GOLGA8J: variants seen among roughly 807,000 people sequenced by gnomAD.
GOLGA8J encodes the protein golgin A8 family member J.
In GOLGA8J, 19 loss-of-function variants were observed where a neutral mutation model predicts 67.7. The ratio of observed to expected loss-of-function variants is 0.28; its 90% confidence interval spans 0.20 to 0.41. The LOEUF is 0.41. Ranked by LOEUF, GOLGA8J falls within the 10% of genes least tolerant of loss-of-function variation. GOLGA8J has a pLI of 1.00. For synonymous variants in GOLGA8J, 69 were observed against 215.9 expected (o/e 0.32, Z 5.97); for missense variants, 205 against 584.3 (o/e 0.35, Z 6.69).
In GOLGA8J at chr15:30,094,135, A is replaced by G. The variant is rs200823218; in HGVS notation, c.*636A>G. 3.1e-3 allele frequency among the ~76,000 whole-genome samples: 458 copies of G among 146,420 alleles called. 46 individuals carry two copies. In the East Asian group the frequency reaches 0.062, roughly 20 times the overall value. ...TTTGGGGGAGCTTTTTAAATCTCAC[A>G]GAAGAGGAAAGTGGCCTCCTCTGGC... On this transcript the variant is annotated 3_prime_UTR_variant, in exon 19 of 19. Transcript: ENST00000567927.
intron 13 of GOLGA8J, among the ~76,000 whole-genome samples, chr15:30,090,692 A>G (rs2057391800): frequency 1.5e-5 from 2 of 136,032 alleles, no homozygotes; most frequent in Non-Finnish European, 3.0e-5. Context: ...ATTACAAAAA[A>G]AAAAAAAAAA....
At chr15:30,090,101 G>A in intron 12 of GOLGA8J, 111 bp from the exon 13 acceptor site, 3 of 976,578 alleles carry the variant, frequency 3.1e-6, no homozygotes, top group Non-Finnish European at 4.3e-6. Flanking sequence ...GGGAGAGAGG[G>A]GGTGATTTTT....
At position 30,090,455 on chromosome 15, in the gene GOLGA8J, G is replaced by A. The variant is rs896997284; in HGVS notation, c.1200+175G>A. Among the ~76,000 whole-genome samples the A allele has an allele frequency of 6.7e-5, 10 of 148,454 alleles. 2 individuals are homozygous for A. The highest frequency in any genetic ancestry group is 2.3e-4 in the African/African-American group (9 of 39,132). On this transcript the variant is annotated intron_variant, in intron 13 of 18. Transcript: ENST00000567927. The stretch of plus-strand genomic sequence containing the variant: ...TGCTTCCTGCCTCTGACTTTTAAAG[G>A]TGGGTAGCCCTGGGCTCCTCTAAGG...
At chr15:30,090,415 C>G (rs1340306506) in intron 13 of GOLGA8J, 135 bp downstream of exon 13, 1 of 1,524,378 alleles carries the variant, frequency 6.6e-7, no homozygotes, top group Non-Finnish European at 8.8e-7. Context: ...CCAGGGCAGT[C>G]CTGTGACTGT....
chr15:30,096,242 G>A lies in GOLGA8J; in HGVS notation c.*2743G>A, dbSNP rs866109300. The stretch of plus-strand genomic sequence containing the variant: ...GCAATATATAATAATCATTTTAAAA[G>A]TATTTGATTCAACCTGATAATTTTC... On this transcript the variant is annotated 3_prime_UTR_variant, in exon 19 of 19. Transcript: ENST00000567927. 3.1e-3 allele frequency among the ~76,000 whole-genome samples: 469 copies of A among 149,446 alleles called. 8 individuals carry two copies. The South Asian group carries it at 0.045, about 14-fold the overall frequency.
At chr15:30,090,305 C>T in intron 13 of GOLGA8J, 25 bp downstream of exon 13, 1 of 1,210,584 alleles carries the variant, frequency 8.3e-7, no homozygotes, top group Non-Finnish European at 1.2e-6. Context: ...AACCTCCACC[C>T]CATCCAAGAA....
Position 30,089,719 on chromosome 15 carries a change from G to A in GOLGA8J, c.894G>A (p.Glu298=). The part of the protein sequence containing the change: ...KNQMAEPLPP[E]PPAVPSEVEL... ...TGTCAGCTGAACCCTTGCCCCCGGA[G>A]CCCCCAGCAGTGCCCTCTGAGGTGG... The change falls in exon 12 of 19, where the codon GAG becomes GAA. Residue 298 remains glutamate (E), a synonymous_variant. Coordinates refer to ENST00000567927, the MANE Select transcript of GOLGA8J (RefSeq NM_001282472.2). 3.9e-6 allele frequency: 6 copies of A among 1,531,998 alleles called. 2 individuals are homozygous for A. Among genetic ancestry groups the A allele is most frequent in the African/African-American group, 3.4e-5 (2 of 59,580 alleles). 94.9% of individuals were successfully genotyped at this position (1,531,998 alleles called of 1,614,324 possible).
rs1323850404 is a variant in GOLGA8J, at chr15:30,094,223, G to A, written c.*724G>A. On this transcript the variant is annotated 3_prime_UTR_variant, in exon 19 of 19. Coordinates refer to ENST00000567927, the MANE Select transcript of GOLGA8J (RefSeq NM_001282472.2). ...GTGCCCGGAATTAGCAGTGTATTAT[G>A]GTGGTTCCCTTAGGATTTGTATGTG... Among the ~76,000 whole-genome samples the A allele has an allele frequency of 3.5e-5, 5 of 143,020 alleles. No homozygotes were observed. The highest frequency in any genetic ancestry group is 3.6e-3 in the Middle Eastern group (1 of 276). The allele number at this position is 143,020 out of a possible 152,430, so 93.8% of individuals were successfully genotyped here. A position where few individuals can be genotyped will look rare whatever the true frequency, so the allele number is the denominator to read the frequency against.
In GOLGA8J at chr15:30,092,737, G is replaced by C. The variant is rs2057423338; in HGVS notation, c.1398G>C (p.Lys466Asn). 1.0e-5 allele frequency: 13 copies of C among 1,286,800 alleles called. 1 individual carries two copies. The East Asian group carries it at 3.2e-4, about 32-fold the overall frequency. 79.7% of individuals were successfully genotyped at this position (1,286,800 alleles called of 1,614,324 possible). A position where few individuals can be genotyped will look rare whatever the true frequency, so the allele number is the denominator to read the frequency against. Residue 466 changes from lysine to asparagine, a missense_variant, in exon 16 of 19, where the codon AAG becomes AAC. By Grantham distance (94) the Lys-to-Asn change is moderately conservative. Coordinates refer to ENST00000567927, the MANE Select transcript of GOLGA8J (RefSeq NM_001282472.2). ...GCTTTATGGACCACCTGGAGGAGAA[G>C]GCAGACCTGAGTGAGCTGGTGAAGA... Reference protein sequence around the residue: ...MSSFMDHLEEKADLSELVKKK... With the variant: ...MSSFMDHLEENADLSELVKKK...
chr15:30,092,264 A>T (rs1595391369), intron 15 of GOLGA8J, 131 bp downstream of exon 15: 2 of 968,118 alleles, frequency 2.1e-6, no homozygotes, highest in South Asian at 2.9e-5. Context: ...CAGTGGTCAG[A>T]CACCATTTCA....
At chr15:30,088,489 T>C (rs2057360676) in intron 8 of GOLGA8J, among the ~76,000 whole-genome samples, 1 of 145,498 alleles carries the variant, frequency 6.9e-6, no homozygotes, top group African/African-American at 2.6e-5. Context: ...ACAGTGGTAA[T>C]AATAACAGTA....
Position 30,093,161 on chromosome 15 carries a change from G to T in GOLGA8J, c.1645G>T (p.Ala549Ser), listed in dbSNP as rs201665683. Residue 549 changes from alanine to serine, a missense_variant, in exon 18 of 19, where the codon GCT (alanine) becomes TCT (serine). Physicochemically the swap from Ala to Ser is moderately conservative, Grantham distance 99 (BLOSUM62 1). Coordinates refer to ENST00000567927, the MANE Select transcript of GOLGA8J (RefSeq NM_001282472.2). ...YNNGHRKFLA[A>S]AHNSADEPGP... ...CAATGGGCACAGAAAATTCCTGGCCGCTGCCCACAACTCTGCTGATGAGCC... is the reference window on the plus strand; with the variant it reads ...CAATGGGCACAGAAAATTCCTGGCCTCTGCCCACAACTCTGCTGATGAGCC... The T allele has an allele frequency of 0.029, 44,695 of 1,521,224 alleles. 2,723 individuals are homozygous for T. The highest frequency in any genetic ancestry group is 0.033 in the Non-Finnish European group (37,601 of 1,143,044). The allele number at this position is 1,521,224 out of a possible 1,614,324, so 94.2% of individuals were successfully genotyped here.
intron 13 of GOLGA8J, 112 bp from the exon 14 acceptor site, chr15:30,091,423 A>T: frequency 9.4e-7 from 1 of 1,065,462 alleles, no homozygotes; most frequent in Non-Finnish European, 1.3e-6. Context: ...GGTGGCTGAG[A>T]TGGCCTGCCA....
chr15:30,084,859 C>A lies in GOLGA8J; in HGVS notation c.137C>A (p.Ala46Asp), dbSNP rs2057333421. ...ACAAATGGCAGTATCCCTGAGAAAG[C>A]CACTTCTGGTGGTTGCCAGCCACCT... ...RKTNGSIPEK[A>D]TSGGCQPPRD... The change falls in exon 2 of 19, where the codon GCC becomes GAC. Residue 46 changes from alanine to aspartate, a missense_variant. Ala to Asp is a moderately radical substitution (Grantham distance 126, BLOSUM62 -2). Transcript: ENST00000567927. The A allele has an allele frequency of 7.0e-7, 1 of 1,429,974 alleles. No homozygotes were observed. Among genetic ancestry groups the A allele is most frequent in the Non-Finnish European group, 9.1e-7 (1 of 1,103,394 alleles). 88.6% of individuals were successfully genotyped at this position (1,429,974 alleles called of 1,614,324 possible). A position where few individuals can be genotyped will look rare whatever the true frequency, so the allele number is the denominator to read the frequency against.
In GOLGA8J at chr15:30,090,384, GGCT is replaced by G; in HGVS notation, c.1200+106_1200+108del. 3.9e-6 allele frequency: 6 copies of G among 1,520,166 alleles called. 1 individual carries two copies. The highest frequency in any genetic ancestry group is 5.3e-6 in the Non-Finnish European group (6 of 1,136,196). 94.2% of individuals were successfully genotyped at this position (1,520,166 alleles called of 1,614,324 possible). ...GGCCAGAGGCAGCTTCCAGCCTGGGGGCTGGTGACCACAGCACCCCCCAGGGCA... is the reference window on the plus strand; with the variant it reads ...GGCCAGAGGCAGCTTCCAGCCTGGGGGGTGACCACAGCACCCCCCAGGGCA... On this transcript the variant is annotated intron_variant, in intron 13 of 18. Coordinates refer to ENST00000567927, the MANE Select transcript of GOLGA8J (RefSeq NM_001282472.2).
chr15:30,094,527 G>C lies in GOLGA8J; in HGVS notation c.*1028G>C, dbSNP rs1293015879. On this transcript the variant is annotated 3_prime_UTR_variant, in exon 19 of 19. Coordinates refer to ENST00000567927, the MANE Select transcript of GOLGA8J (RefSeq NM_001282472.2). ...GTGAAGATCATAAGAAATCCTTTAT[G>C]AGTTCAAACGTTCCTGGAACAGGCA... 7.9e-6 allele frequency among the ~76,000 whole-genome samples: 1 copy of C among 126,958 alleles called. No individual in the cohort carries two copies. Among genetic ancestry groups the C allele is most frequent in the Non-Finnish European group, 1.5e-5 (1 of 66,350 alleles). 83.3% of individuals were successfully genotyped at this position (126,958 alleles called of 152,430 possible).
intron 12 of GOLGA8J, 71 bp from the exon 13 acceptor site, chr15:30,090,141 T>C (rs1468245269): frequency 4.5e-6 from 4 of 892,498 alleles, no homozygotes; most frequent in African/African-American, 2.2e-5. Context: ...CCCAGTGCCA[T>C]GGGAGGCAGA....
chr15:30,094,778 C>T lies in GOLGA8J; in HGVS notation c.*1279C>T, dbSNP rs1428146556. On this transcript the variant is annotated 3_prime_UTR_variant, in exon 19 of 19. Transcript: ENST00000567927. ...AAAATAATAGAAACATTATTATAAA[C>T]TAATATATGTGAGATACTTAGTTGA... 7.5e-6 allele frequency among the ~76,000 whole-genome samples: 1 copy of T among 132,672 alleles called. No individual in the cohort carries two copies. Among genetic ancestry groups the T allele is most frequent in the Non-Finnish European group, 1.5e-5 (1 of 66,694 alleles). The allele number at this position is 132,672 out of a possible 152,430, so 87.0% of individuals were successfully genotyped here.
rs748399514 is a variant in GOLGA8J at position 30,090,365 on chromosome 15, A to C, written c.1200+85A>C. 1.4e-4 allele frequency: 209 copies of C among 1,497,696 alleles called. 6 individuals are homozygous for C. The highest frequency in any genetic ancestry group is 1.8e-4 in the Non-Finnish European group (200 of 1,118,792). 92.8% of individuals were successfully genotyped at this position (1,497,696 alleles called of 1,614,324 possible). A position where few individuals can be genotyped will look rare whatever the true frequency, so the allele number is the denominator to read the frequency against. On this transcript the variant is annotated intron_variant, in intron 13 of 18. Transcript: ENST00000567927. ...CTTGGGAGGGGAGGTGCCAGGCCAG[A>C]GGCAGCTTCCAGCCTGGGGGCTGGT...
Sources: gnomAD v4.1 joint callset for allele counts (sites outside exome capture counted in the v4.1 genomes callset) on GRCh38, gnomAD v4.1.1 for gene constraint, MANE v1.5 for transcripts, NCBI Gene and HGNC (gene_info 2026-07-23, HGNC 2026-07-21) for gene names.